GALNTL6: variants seen among roughly 807,000 people sequenced by gnomAD.
GALNTL6 encodes the protein polypeptide N-acetylgalactosaminyltransferase like 6.
In GALNTL6, 46 loss-of-function variants were observed where a neutral mutation model predicts 73.7. The observed-to-expected ratio is 0.62, with a 90% CI of 0.49 to 0.80. The LOEUF (loss-of-function observed/expected upper bound fraction) is 0.80, where lower values mean the gene tolerates loss of function less well. GALNTL6 is among the 30% of genes least tolerant of loss of function. The pLI, the probability that GALNTL6 is intolerant of heterozygous loss-of-function variation, is 0.00. For missense variants in GALNTL6, 604 were observed against 755.0 expected (o/e 0.80, Z 2.34); for synonymous variants, 259 against 263.7 (o/e 0.98, Z 0.17).
chr4:172,785,641 A>C (rs1034844784), intron 5 of GALNTL6, among the ~76,000 whole-genome samples: 14 of 152,182 alleles, frequency 9.2e-5, no homozygotes, highest in Admixed American at 3.3e-4. Context: ...CATAAGAGTT[A>C]AGAAAAATAA....
chr4:171,861,464 C>A (rs966493804), intron 2 of GALNTL6, among the ~76,000 whole-genome samples: 1 of 152,196 alleles, frequency 6.6e-6, no homozygotes, highest in Non-Finnish European at 1.5e-5. Context: ...CTCCTCTATT[C>A]ACATCAGTTG....
intron 2 of GALNTL6, among the ~76,000 whole-genome samples, chr4:171,874,837 C>G (rs1343313388): frequency 6.6e-6 from 1 of 152,142 alleles, no homozygotes; most frequent in East Asian, 1.9e-4. Flanking sequence ...AGACCCTAAC[C>G]TCAAACAATG....
chr4:172,437,932 C>A (rs184333771), intron 5 of GALNTL6, among the ~76,000 whole-genome samples: 1 of 135,456 alleles, frequency 7.4e-6, no homozygotes, highest in East Asian at 2.2e-4. Flanking sequence ...GGTGGCAGAG[C>A]ACACCTTGTT....
intron 5 of GALNTL6, among the ~76,000 whole-genome samples, chr4:172,569,161 T>G (rs545225040): frequency 6.6e-6 from 1 of 152,288 alleles, no homozygotes; most frequent in East Asian, 1.9e-4. Context: ...TAACAGAAAT[T>G]TGTTTCTCAT....
chr4:172,186,427 A>T (rs1225397490), intron 2 of GALNTL6, among the ~76,000 whole-genome samples: 2 of 152,174 alleles, frequency 1.3e-5, no homozygotes, highest in African/African-American at 4.8e-5. Context: ...TTTAAAGTAT[A>T]CTAGAAAGAA....
At chr4:171,819,347 A>G (rs1443358916) in intron 2 of GALNTL6, among the ~76,000 whole-genome samples, 1 of 152,170 alleles carries the variant, frequency 6.6e-6, no homozygotes, top group Non-Finnish European at 1.5e-5. Flanking sequence ...TTAGTTCATC[A>G]CATTGCCCCA....
intron 9 of GALNTL6, among the ~76,000 whole-genome samples, chr4:172,949,414 T>A (rs1252137972): frequency 6.6e-6 from 1 of 152,208 alleles, no homozygotes; most frequent in Non-Finnish European, 1.5e-5. Context: ...TATTACTAGG[T>A]CATTTGCTTC....
chr4:172,794,449 T>C (rs1257828972), intron 5 of GALNTL6, among the ~76,000 whole-genome samples: 1 of 152,204 alleles, frequency 6.6e-6, no homozygotes, highest in East Asian at 1.9e-4. Flanking sequence ...GCAATTCATT[T>C]TGACATAACG....
rs371060340 is a variant in GALNTL6, at chr4:172,620,661, A to C, written c.554-188700A>C. On this transcript the variant is annotated intron_variant, in intron 5 of 12. Coordinates refer to ENST00000506823, the MANE Select transcript of GALNTL6 (RefSeq NM_001034845.3). ...ATAAGCATTCCTAAATTTTCCACCT[A>C]ACTTTTCTTCATTTGTTACATAATG... 5.9e-5 allele frequency among the ~76,000 whole-genome samples: 9 copies of C among 152,282 alleles called. No homozygotes were observed. The South Asian group carries it at 1.0e-3, about 18-fold the overall frequency.
At chr4:172,255,382 G>C (rs895730919) in intron 3 of GALNTL6, among the ~76,000 whole-genome samples, 2 of 136,960 alleles carry the variant, frequency 1.5e-5, no homozygotes, top group South Asian at 2.3e-4. Flanking sequence ...ATGTAATAAT[G>C]GTTTCCCAAA....
chr4:172,653,297 G>A (rs186431132), intron 5 of GALNTL6, among the ~76,000 whole-genome samples: 324 of 149,130 alleles, frequency 2.2e-3, no homozygotes, highest in African/African-American at 7.8e-3. Context: ...TCAGCTGACT[G>A]CAACCTCCAC....
chr4:172,956,985 G>C (rs1042886202), intron 10 of GALNTL6, among the ~76,000 whole-genome samples: 1 of 152,222 alleles, frequency 6.6e-6, no homozygotes, highest in African/African-American at 2.4e-5. Context: ...AATTACGTCT[G>C]ACAGAAGAGA....
intron 2 of GALNTL6, among the ~76,000 whole-genome samples, chr4:171,930,956 T>C (rs1738166481): frequency 6.6e-6 from 1 of 152,204 alleles, no homozygotes; most frequent in Admixed American, 6.5e-5. Flanking sequence ...GAAATACAAG[T>C]CATCCAAATT....
In GALNTL6 at chr4:173,010,579, T is replaced by G. The variant is rs1234584180; in HGVS notation, c.1488+1285T>G. Among the ~76,000 whole-genome samples, 5 of 151,240 alleles carry G rather than the reference T, an allele frequency of 3.3e-5. No individual in the cohort carries two copies. In the South Asian group the frequency reaches 6.2e-4, roughly 19 times the overall value. Reference sequence around the variant, plus strand: ...ATAGCTCAATTTTTAGTGTGTTTTTTTTGTTGTTTTTTTTGTTTTGTTTTG... The same window carrying G: ...ATAGCTCAATTTTTAGTGTGTTTTTGTTGTTGTTTTTTTTGTTTTGTTTTG... On this transcript the variant is annotated intron_variant, in intron 11 of 12. Coordinates refer to ENST00000506823, the MANE Select transcript of GALNTL6 (RefSeq NM_001034845.3).
chr4:172,837,117 T>C (rs10001933), intron 7 of GALNTL6, among the ~76,000 whole-genome samples: 47,117 of 152,048 alleles, frequency 0.31, 11,264 homozygotes, highest in African/African-American at 0.67. Context: ...ATAGGCAAAA[T>C]GGTTACAAGG....
chr4:172,813,085 A>T (rs749998896), intron 6 of GALNTL6, among the ~76,000 whole-genome samples: 19 of 152,186 alleles, frequency 1.2e-4, no homozygotes, highest in Non-Finnish European at 1.8e-4. Flanking sequence ...CATGATTGTT[A>T]TGAAATTAGA....
At chr4:172,060,026 GGAATAA>G (rs1731147938) in intron 2 of GALNTL6, among the ~76,000 whole-genome samples, 1 of 152,138 alleles carries the variant, frequency 6.6e-6, no homozygotes, top group African/African-American at 2.4e-5. Flanking sequence ...GGCTCAGGTA[GGAATAA>G]GTTACTTTTC....
intron 2 of GALNTL6, among the ~76,000 whole-genome samples, chr4:172,084,501 G>A (rs1303783149): frequency 6.6e-6 from 1 of 152,154 alleles, no homozygotes; most frequent in Non-Finnish European, 1.5e-5. Context: ...TACAGTGCAA[G>A]ACAAAACATT....
At chr4:172,467,540 C>T (rs551719818) in intron 5 of GALNTL6, among the ~76,000 whole-genome samples, 2 of 152,224 alleles carry the variant, frequency 1.3e-5, no homozygotes, top group South Asian at 4.1e-4. Flanking sequence ...TCAAGGTTCA[C>T]AGGGAGAGGG....
Sources: allele counts gnomAD v4.1 joint callset (sites outside exome capture counted in the v4.1 genomes callset), GRCh38; gene constraint gnomAD v4.1.1; transcripts MANE v1.5; gene names NCBI Gene and HGNC (gene_info 2026-07-23, HGNC 2026-07-21).